Variants in HPSE2 observed in about 807,000 individuals in gnomAD.
The protein encoded by HPSE2 is heparanase 2 (inactive).
HPSE2 carries 38 observed loss-of-function variants against 60.5 expected under a neutral mutation model. The ratio of observed to expected loss-of-function variants is 0.63; its 90% CI spans 0.48 to 0.82. The LOEUF is 0.82. HPSE2 is among the 40% of genes least tolerant of loss of function. The pLI, the probability that HPSE2 is intolerant of heterozygous loss-of-function variation, is 0.00. For missense variants in HPSE2, 713 were observed against 740.4 expected (o/e 0.96, Z 0.43); for synonymous variants, 295 against 293.2 (o/e 1.01, Z -0.06).
chr10:99,308,398 G>GAAAAAAAAAAAAAA, the HPSE2 span, among the ~76,000 whole-genome samples: 74 of 56,418 alleles, frequency 1.3e-3, no homozygotes, highest in South Asian at 2.2e-3. Flanking sequence ...AAAAAAAAAG[G>GAAAAAAAAAAAAAA]AAACCATCAA....
intron 3 of HPSE2, among the ~76,000 whole-genome samples, chr10:98,858,402 T>C (rs1265776249): frequency 8.5e-5 from 13 of 152,216 alleles, no homozygotes; most frequent in Admixed American, 7.9e-4. Flanking sequence ...ATCTGTAATA[T>C]GTTTAGGGAA....
intron 3 of HPSE2, among the ~76,000 whole-genome samples, chr10:98,813,081 C>T (rs1951205329): frequency 6.6e-6 from 1 of 152,100 alleles, no homozygotes; most frequent in Admixed American, 6.6e-5. Flanking sequence ...TGGCTTTCTC[C>T]AGCCTCCCAA....
chr10:99,102,062 A>G (rs543031744), intron 3 of HPSE2, among the ~76,000 whole-genome samples: 28 of 152,330 alleles, frequency 1.8e-4, no homozygotes, highest in African/African-American at 6.7e-4. Context: ...TCCTAACATC[A>G]CAATTAGAAC....
chr10:99,219,950 C>T (rs1026829634), intron 2 of HPSE2, among the ~76,000 whole-genome samples: 5 of 152,060 alleles, frequency 3.3e-5, no homozygotes, highest in African/African-American at 1.2e-4. Context: ...GAGTAATATT[C>T]AAAGAGAATC....
chr10:99,151,498 C>G (rs1000453391), intron 2 of HPSE2, among the ~76,000 whole-genome samples: 10 of 152,068 alleles, frequency 6.6e-5, no homozygotes, highest in African/African-American at 2.4e-4. Flanking sequence ...AGAAGTACAA[C>G]AAACCTCAAG....
chr10:98,708,203 T>C (rs1431175655), intron 5 of HPSE2, among the ~76,000 whole-genome samples: 1 of 152,166 alleles, frequency 6.6e-6, no homozygotes, highest in Non-Finnish European at 1.5e-5. Flanking sequence ...ACGCCTGTAA[T>C]CCCAGTACTT....
intron 9 of HPSE2, among the ~76,000 whole-genome samples, chr10:98,524,206 CAATGGGAT>C (rs1246434598): frequency 6.6e-6 from 1 of 152,164 alleles, no homozygotes; most frequent in African/African-American, 2.4e-5. Context: ...AAATGAAGTC[CAATGGGAT>C]AATGGGACAC....
intron 3 of HPSE2, among the ~76,000 whole-genome samples, chr10:98,951,857 T>C (rs1370752316): frequency 1.3e-5 from 2 of 152,168 alleles, no homozygotes; most frequent in Non-Finnish European, 2.9e-5. Context: ...TACTACAAGC[T>C]TAACAGATTA....
chr10:99,212,930 C>A (rs1417106108), intron 2 of HPSE2, among the ~76,000 whole-genome samples: 1 of 152,076 alleles, frequency 6.6e-6, no homozygotes, highest in Non-Finnish European at 1.5e-5. Context: ...AAGTGCCTTG[C>A]AGAGGGTAGG....
intron 3 of HPSE2, among the ~76,000 whole-genome samples, chr10:98,792,216 TC>T (rs1950669744): frequency 6.6e-6 from 1 of 152,138 alleles, no homozygotes; most frequent in East Asian, 1.9e-4. Context: ...GTTTTTTTTT[TC>T]AGCCAATAAA....
chr10:99,181,760 G>A (rs1847787743), intron 2 of HPSE2, among the ~76,000 whole-genome samples: 1 of 152,098 alleles, frequency 6.6e-6, no homozygotes, highest in Non-Finnish European at 1.5e-5. Flanking sequence ...TATAGCGTTA[G>A]GAGAAAGACC....
intron 9 of HPSE2, among the ~76,000 whole-genome samples, chr10:98,539,685 G>A (rs985283870): frequency 6.6e-6 from 1 of 150,916 alleles, no homozygotes; most frequent in South Asian, 2.1e-4. Context: ...TCTTTTTTTT[G>A]TTCCTGGTTG....
At chr10:98,729,238 A>C (rs1295315057) in intron 4 of HPSE2, among the ~76,000 whole-genome samples, 1 of 152,206 alleles carries the variant, frequency 6.6e-6, no homozygotes, top group Non-Finnish European at 1.5e-5. Context: ...AGACTGAATA[A>C]AAAATAGATC....
At chr10:98,939,048 C>G (rs1302397139) in intron 3 of HPSE2, among the ~76,000 whole-genome samples, 2 of 143,786 alleles carry the variant, frequency 1.4e-5, no homozygotes, top group Non-Finnish European at 3.0e-5. Context: ...GAGATTTTGT[C>G]ACCACCAGGC....
chr10:98,590,577 G>A (rs1945062859), intron 9 of HPSE2, among the ~76,000 whole-genome samples: 1 of 152,224 alleles, frequency 6.6e-6, no homozygotes, highest in Admixed American at 6.5e-5. Flanking sequence ...TTGGAGCCAT[G>A]ATGCGCTTAT....
At chr10:99,053,632 C>A (rs1367922871) in intron 3 of HPSE2, among the ~76,000 whole-genome samples, 12 of 147,366 alleles carry the variant, frequency 8.1e-5, no homozygotes, top group Admixed American at 6.1e-4. Flanking sequence ...GACATGATTA[C>A]AACCCTTGAA....
chr10:99,246,992 A>G, the HPSE2 span, among the ~76,000 whole-genome samples: 3 of 152,288 alleles, frequency 2.0e-5, no homozygotes, highest in East Asian at 1.9e-4. Flanking sequence ...AAAAATAATC[A>G]TACCCATAAT....
intron 3 of HPSE2, among the ~76,000 whole-genome samples, chr10:98,855,479 C>T (rs1400522247): frequency 6.6e-6 from 1 of 152,034 alleles, no homozygotes; most frequent in African/African-American, 2.4e-5. Context: ...CCTCTCTTAA[C>T]TTTAAGGTAC....
chr10:98,621,677 T>C (rs1946077858), intron 7 of HPSE2, among the ~76,000 whole-genome samples: 2 of 152,228 alleles, frequency 1.3e-5, no homozygotes, highest in Admixed American at 1.3e-4. Context: ...GTCTCAGAAC[T>C]GACCCCCAAG....
Sources: gnomAD v4.1 joint callset for allele counts (sites outside exome capture counted in the v4.1 genomes callset) on GRCh38, gnomAD v4.1.1 for gene constraint, MANE v1.5 for transcripts, NCBI Gene and HGNC (gene_info 2026-07-23, HGNC 2026-07-21) for gene names.